NYAP2: variants seen among roughly 807,000 people sequenced by gnomAD.
NYAP2 encodes neuronal tyrosine-phosphorylated phosphoinositide-3-kinase adaptor 2, also known as neuronal tyrosine-phosphorylated phosphoinositide-3-kinase adapter 2.
A neutral mutation model predicts 50.4 loss-of-function variants in NYAP2; 23 were observed. The ratio of observed to expected loss-of-function variants is 0.46; its 90% CI spans 0.33 to 0.65. NYAP2 has a LOEUF of 0.65. Among genes scored for constraint, NYAP2 ranks in the 30% least tolerant of loss-of-function variants. NYAP2 has a pLI of 0.02. For synonymous variants in NYAP2, 394 were observed against 365.2 expected (o/e 1.08, Z -0.90); for missense variants, 885 against 861.0 (o/e 1.03, Z -0.35).
intron 3 of NYAP2, among the ~76,000 whole-genome samples, chr2:225,483,351 G>A (rs181857464): frequency 5.2e-4 from 79 of 152,168 alleles, no homozygotes; most frequent in Middle Eastern, 6.8e-3. Context: ...TAGTTTTTAT[G>A]TAAATACATA....
chr2:225,575,910 A>C (rs1214511039), intron 4 of NYAP2, among the ~76,000 whole-genome samples: 2 of 152,206 alleles, frequency 1.3e-5, no homozygotes, highest in Admixed American at 6.5e-5. Flanking sequence ...AGCAAGCTTT[A>C]GCTCTTTGCC....
chr2:225,681,566 T>C, the NYAP2 span, among the ~76,000 whole-genome samples: 1 of 152,194 alleles, frequency 6.6e-6, no homozygotes, highest in Admixed American at 6.5e-5. Flanking sequence ...GGACAAGTGA[T>C]GTAACTCTAT....
At chr2:225,647,270 G>A (rs1222308890) in intron 6 of NYAP2, among the ~76,000 whole-genome samples, 3 of 152,182 alleles carry the variant, frequency 2.0e-5, no homozygotes, top group African/African-American at 7.2e-5. Flanking sequence ...TGGATGCTTT[G>A]CTTGTTGTTT....
At chr2:225,507,499 C>T (rs1423336786) in intron 3 of NYAP2, among the ~76,000 whole-genome samples, 1 of 152,176 alleles carries the variant, frequency 6.6e-6, no homozygotes, top group African/African-American at 2.4e-5. Flanking sequence ...TTTATCGGTC[C>T]TAATCAGCAG....
chr2:225,514,655 T>G (rs1690895006), intron 4 of NYAP2, among the ~76,000 whole-genome samples: 1 of 152,100 alleles, frequency 6.6e-6, no homozygotes, highest in Non-Finnish European at 1.5e-5. Flanking sequence ...GGGATTAAGT[T>G]TTCAACATTC....
rs539107488 is a variant in NYAP2, at chr2:225,510,356, G to C, written c.222-3015G>C. On this transcript the variant is annotated intron_variant, in intron 3 of 6. Coordinates refer to ENST00000636099, the Ensembl canonical transcript of NYAP2. Reference sequence around the variant, plus strand: ...TTCTTAATATTTCTGGGGGGGTTCTGGATTAGCTACATCAGAAACATCTGG... The same window carrying C: ...TTCTTAATATTTCTGGGGGGGTTCTCGATTAGCTACATCAGAAACATCTGG... Among the ~76,000 whole-genome samples the C allele has an allele frequency of 3.5e-4, 54 of 152,142 alleles. No homozygotes were observed. In the South Asian group the frequency reaches 0.011, roughly 30 times the overall value.
chr2:225,512,463 C>A (rs1462594718), intron 3 of NYAP2, among the ~76,000 whole-genome samples: 1 of 151,314 alleles, frequency 6.6e-6, no homozygotes, highest in Non-Finnish European at 1.5e-5. Context: ...ATATTTTCTC[C>A]TCCCTCCCTC....
At chr2:225,435,598 C>A (rs575752261) in intron 3 of NYAP2, among the ~76,000 whole-genome samples, 1 of 152,278 alleles carries the variant, frequency 6.6e-6, no homozygotes, top group Admixed American at 6.5e-5. Context: ...TGTATCATTC[C>A]TAATTATTAA....
intron 4 of NYAP2, among the ~76,000 whole-genome samples, chr2:225,556,591 C>T (rs914884542): frequency 6.6e-6 from 1 of 152,042 alleles, no homozygotes; most frequent in African/African-American, 2.4e-5. Context: ...TTGTTTTGAC[C>T]ATCTTGGTTA....
intron 3 of NYAP2, among the ~76,000 whole-genome samples, chr2:225,425,777 A>C (rs1485277899): frequency 6.6e-6 from 1 of 152,222 alleles, no homozygotes; most frequent in Non-Finnish European, 1.5e-5. Flanking sequence ...TTTTATTATA[A>C]TAGATTTTAG....
At chr2:225,455,389 A>C (rs966383258) in intron 3 of NYAP2, among the ~76,000 whole-genome samples, 7 of 152,238 alleles carry the variant, frequency 4.6e-5, no homozygotes, top group African/African-American at 1.7e-4. Context: ...CCCTATTCTC[A>C]GCTATACATT....
Position 225,442,796 on chromosome 2 carries a change from G to C in NYAP2, c.221+33695G>C, listed in dbSNP as rs181866812. ...TCACCATATTAGTCAGGCTGGTCTC[G>C]AACTCCTGATCTCAGGTAATCCACC... On this transcript the variant is annotated intron_variant, in intron 3 of 6. Coordinates refer to ENST00000636099, the Ensembl canonical transcript of NYAP2. Among the ~76,000 whole-genome samples the C allele has an allele frequency of 1.1e-3, 166 of 152,162 alleles. No individual in the cohort carries two copies. The Middle Eastern group carries it at 0.024, about 22-fold the overall frequency.
intron 3 of NYAP2, among the ~76,000 whole-genome samples, chr2:225,491,235 A>G (rs1690397877): frequency 6.6e-6 from 1 of 152,248 alleles, no homozygotes; most frequent in African/African-American, 2.4e-5. Context: ...GTGATACATT[A>G]TATGAAAAAC....
At chr2:225,499,976 C>T (rs1690577182) in intron 3 of NYAP2, among the ~76,000 whole-genome samples, 1 of 152,006 alleles carries the variant, frequency 6.6e-6, no homozygotes, top group African/African-American at 2.4e-5. Flanking sequence ...TTTAGGATTG[C>T]TGATGAGAAT....
intron 4 of NYAP2, 105 bp downstream of exon 4, chr2:225,513,777 G>A: frequency 2.4e-6 from 2 of 817,066 alleles, no homozygotes; most frequent in African/African-American, 3.6e-5. Flanking sequence ...ACATAATCCT[G>A]CCTCTCACCC....
intron 5 of NYAP2, among the ~76,000 whole-genome samples, chr2:225,589,688 C>G (rs954320759): frequency 9.2e-5 from 14 of 151,584 alleles, no homozygotes; most frequent in Non-Finnish European, 1.3e-4. Context: ...GAGCAAGACC[C>G]TGTCTTAAAA....
intron 5 of NYAP2, among the ~76,000 whole-genome samples, chr2:225,602,002 A>G (rs976762143): frequency 3.9e-5 from 6 of 152,196 alleles, no homozygotes; most frequent in Non-Finnish European, 8.8e-5. Context: ...TTTTTGTCTC[A>G]TGACCAAGAA....
intron 4 of NYAP2, among the ~76,000 whole-genome samples, chr2:225,575,412 C>T (rs915971772): frequency 6.6e-6 from 1 of 152,176 alleles, no homozygotes; most frequent in Non-Finnish European, 1.5e-5. Flanking sequence ...TATATTTGCT[C>T]AAAATTCTGT....
intron 5 of NYAP2, among the ~76,000 whole-genome samples, chr2:225,618,287 C>T (rs1693024710): frequency 6.6e-6 from 1 of 152,154 alleles, no homozygotes; most frequent in African/African-American, 2.4e-5. Flanking sequence ...TGGCTCCGCA[C>T]AAATATTTTA....
Sources: gnomAD v4.1 joint callset for allele counts (sites outside exome capture counted in the v4.1 genomes callset) on GRCh38, gnomAD v4.1.1 for gene constraint, MANE v1.5 for transcripts, NCBI Gene and HGNC (gene_info 2026-07-23, HGNC 2026-07-21) for gene names.